TMEM63A: variants seen among roughly 807,000 people sequenced by gnomAD.
The protein encoded by TMEM63A is transmembrane protein 63A.
TMEM63A carries 76 observed loss-of-function variants against 100.6 expected under a neutral mutation model. That is an observed-to-expected ratio of 0.76 (90% CI 0.63 to 0.91). TMEM63A has a LOEUF of 0.91. Among genes scored for constraint, TMEM63A ranks in the 40% least tolerant of loss-of-function variants. The pLI is 0.00. For missense variants in TMEM63A, 876 were observed against 1,008.8 expected, an observed-to-expected ratio of 0.87 and a Z score of 1.78; for synonymous variants, 401 against 401.1, an observed-to-expected ratio of 1.00 and a Z score of 0.00.
chr1:225,872,689 C>CTTTTTTTT (rs67884791), intron 4 of TMEM63A, among the ~76,000 whole-genome samples: 1 of 87,056 alleles, frequency 1.1e-5, no homozygotes, highest in Non-Finnish European at 2.2e-5. Context: ...TGCTTTTCTT[C>CTTTTTTTT]TTTTTTTTTT....
At chr1:225,861,611 G>A (rs3766937) in intron 13 of TMEM63A, 6,347 of 155,732 alleles carry the variant, frequency 0.041, 203 homozygotes, top group East Asian at 0.15. Context: ...GCCTGGGGCA[G>A]TGGCTGGACA....
chr1:225,851,945 AT>A (rs1369697907), intron 20 of TMEM63A, among the ~76,000 whole-genome samples: 1 of 152,242 alleles, frequency 6.6e-6, no homozygotes, highest in African/African-American at 2.4e-5. Flanking sequence ...ATACGAAGTT[AT>A]TTTGTGTGAA....
downstream of TMEM63A, chr1:225,844,472 TG>T (rs770824534): frequency 1.2e-6 from 2 of 1,613,764 alleles, no homozygotes; most frequent in Non-Finnish European, 1.7e-6. Flanking sequence ...GCACTGAGAG[TG>T]GGGCTTTGTG....
chr1:225,866,363 C>G (rs1670208713), intron 9 of TMEM63A: 2 of 557,866 alleles, frequency 3.6e-6, no homozygotes, highest in Middle Eastern at 5.0e-4. Context: ...TACTTAGCAC[C>G]AGTAACTGTC....
At chr1:225,866,467 C>T (rs1318538271) in intron 9 of TMEM63A, 107 bp downstream of exon 9, 2 of 979,090 alleles carry the variant, frequency 2.0e-6, no homozygotes, top group Non-Finnish European at 3.1e-6. Context: ...GAGGCCCTCC[C>T]AGAGCTCATT....
chr1:225,859,649 G>GC (rs746371875), intron 14 of TMEM63A: 4 of 268,812 alleles, frequency 1.5e-5, no homozygotes, highest in African/African-American at 7.2e-5. Context: ...TTCTTTTTCT[G>GC]TTTTTTTTTT....
downstream of TMEM63A, among the ~76,000 whole-genome samples, chr1:225,842,921 C>T (rs573597877): frequency 2.7e-3 from 415 of 152,338 alleles, 3 homozygotes; most frequent in Middle Eastern, 0.034. Flanking sequence ...GTATCCTCTA[C>T]ATGCCTGACT....
rs528821196 is a variant in TMEM63A at position 225,855,245 on chromosome 1, C to T, written c.1634+633G>A. Among the ~76,000 whole-genome samples the T allele has an allele frequency of 3.9e-5, 6 of 152,318 alleles. No homozygotes were observed. In the South Asian group the frequency reaches 1.2e-3, roughly 32 times the overall value. ...AATCCCAGCTCTGTTCCTTAACCAG[C>T]TGGATAAACTTGGGCAAGTTATTCA... is the stretch of plus-strand genomic sequence containing the variant. On this transcript the variant is annotated intron_variant, in intron 18 of 24. Transcript: ENST00000366835.
At chr1:225,876,458 C>A (rs1318833818) in intron 3 of TMEM63A, among the ~76,000 whole-genome samples, 1 of 152,180 alleles carries the variant, frequency 6.6e-6, no homozygotes, top group East Asian at 1.9e-4. Context: ...TATCAAGAGG[C>A]ACTGGCCAGC....
Position 225,846,897 on chromosome 1 carries a change from G to A in TMEM63A, c.*42C>T, listed in dbSNP as rs1424340229. On this transcript the variant is annotated 3_prime_UTR_variant, in exon 25 of 25. Coordinates refer to ENST00000366835, the MANE Select transcript of TMEM63A (RefSeq NM_014698.3). ...CACTCAGCCAAGGGCCTGAGCCCCAGGCCATTCTGGTTGTGTCTTTTCAGA... is the reference window on the plus strand; with the variant it reads ...CACTCAGCCAAGGGCCTGAGCCCCAAGCCATTCTGGTTGTGTCTTTTCAGA... 1 of 1,083,798 alleles carries A rather than the reference G, an allele frequency of 9.2e-7. No homozygotes were observed. The highest frequency in any genetic ancestry group is 1.6e-5 in the African/African-American group (1 of 62,938). The allele number at this position is 1,083,798 out of a possible 1,614,324, so 67.1% of individuals were successfully genotyped here.
At chr1:225,863,294 G>T (rs997932551) in intron 10 of TMEM63A, among the ~76,000 whole-genome samples, 1 of 152,090 alleles carries the variant, frequency 6.6e-6, no homozygotes, top group African/African-American at 2.4e-5. Flanking sequence ...CACTCCTCCT[G>T]TCTCACCCTC....
intron 5 of TMEM63A, among the ~76,000 whole-genome samples, chr1:225,871,397 TTTGA>T (rs1670501060): frequency 6.6e-6 from 1 of 152,176 alleles, no homozygotes; most frequent in African/African-American, 2.4e-5. Flanking sequence ...TGGGCTGCTG[TTTGA>T]TTGTTTACAA....
At position 225,853,720 on chromosome 1, in the gene TMEM63A, C is replaced by T. The variant is rs1323595848; in HGVS notation, c.1706G>A (p.Gly569Asp). Residue 569 changes from glycine (G) to aspartate (D), a missense_variant, in exon 19 of 25, where the codon GGC (glycine) becomes GAC (aspartate). Transcript: ENST00000366835. The surrounding 1 kb of genome is among the most constrained non-coding windows in gnomAD (Gnocchi z 4.0). ...ACCTGGCAGCCGCAGCAGCTCCATG[C>T]CATTGCCGATGAAGGCCGAGGCGAT... ...YVIASAFIGN[G>D]MELLRLPGLI... is the part of the protein sequence containing the mutation. 1 of 1,601,414 alleles carries T rather than the reference C, an allele frequency of 6.2e-7. No homozygotes were observed. The highest frequency in any genetic ancestry group is 1.1e-5 in the South Asian group (1 of 88,806).
At position 225,877,665 on chromosome 1, in the gene TMEM63A, G is replaced by A. The variant is rs78293929; in HGVS notation, c.-14-71C>T. 5,313 of 1,456,592 alleles carry A rather than the reference G, an allele frequency of 3.6e-3. 211 individuals carry two copies. The East Asian group carries it at 0.091, about 25-fold the overall frequency. The allele number at this position is 1,456,592 out of a possible 1,614,324, so 90.2% of individuals were successfully genotyped here. On this transcript the variant is annotated intron_variant, in intron 2 of 24. Transcript: ENST00000366835. ...TTTCTTGCAGGTTCCCACCAGTGCT[G>A]GCAGAGCCAAAGGCAGGCGTTTCCC...
At chr1:225,878,486 CT>C (rs1481964067) in intron 2 of TMEM63A, among the ~76,000 whole-genome samples, 1 of 152,148 alleles carries the variant, frequency 6.6e-6, no homozygotes, top group African/African-American at 2.4e-5. Flanking sequence ...CTGCTCCAGG[CT>C]GGGTTGTTGA....
At chr1:225,870,165 C>G (rs1193308100) in intron 6 of TMEM63A, among the ~76,000 whole-genome samples, 2 of 151,888 alleles carry the variant, frequency 1.3e-5, no homozygotes, top group Non-Finnish European at 2.9e-5. Flanking sequence ...GCGTGACCAA[C>G]ATGGAGAAAC....
At chr1:225,860,779 C>T (rs1669896315) in intron 14 of TMEM63A, 81 bp downstream of exon 14, 4 of 1,462,474 alleles carry the variant, frequency 2.7e-6, no homozygotes, top group Admixed American at 4.6e-5. Context: ...ACTGCCAGGT[C>T]ACACCTGTGC....
Position 225,867,873 on chromosome 1 carries a change from G to A in TMEM63A, c.514+15C>T. On this transcript the variant is annotated intron_variant, in intron 7 of 24. Transcript: ENST00000366835. This position sits in a 1 kb window ranked among gnomAD's most constrained non-coding sequence, Gnocchi z 4.6. ...GCCCCATTACAACATAGACAAGGGTGAGGAGGGTCATTACCCAGCAAGTCC... is the reference window on the plus strand; with the variant it reads ...GCCCCATTACAACATAGACAAGGGTAAGGAGGGTCATTACCCAGCAAGTCC... 1 of 1,614,082 alleles carries A rather than the reference G, an allele frequency of 6.2e-7. No homozygotes were observed. The highest frequency in any genetic ancestry group is 8.5e-7 in the Non-Finnish European group (1 of 1,180,010).
intron 17 of TMEM63A, 21 bp from the exon 18 acceptor site, chr1:225,855,961 C>T (rs1336997295): frequency 1.2e-6 from 2 of 1,612,056 alleles, no homozygotes; most frequent in South Asian, 2.2e-5. Flanking sequence ...AAGGAACCCC[C>T]TAAGAGTTTA....
Sources: gnomAD v4.1 joint callset for allele counts (sites outside exome capture counted in the v4.1 genomes callset) on GRCh38, gnomAD v4.1.1 for gene constraint, Gnocchi (gnomAD v3.1) non-coding constraint, MANE v1.5 for transcripts, NCBI Gene and HGNC (gene_info 2026-07-23, HGNC 2026-07-21) for gene names.